BMPR1A: variants seen among roughly 807,000 people sequenced by gnomAD.
BMPR1A encodes the protein bone morphogenetic protein receptor type 1A, also known as bone morphogenetic protein receptor type-1A.
In BMPR1A, 7 loss-of-function variants were observed where a neutral mutation model predicts 66.0. That is an observed-to-expected ratio of 0.11 (90% CI 0.06 to 0.20). The LOEUF (loss-of-function observed/expected upper bound fraction) is 0.20, where lower values mean the gene tolerates loss of function less well. BMPR1A is among the 10% of genes least tolerant of loss of function. The pLI, the probability that BMPR1A is intolerant of heterozygous loss-of-function variation, is 1.00. For missense variants in BMPR1A, 408 were observed against 669.1 expected, an observed-to-expected ratio of 0.61 and a Z score of 4.31; for synonymous variants, 200 against 229.7, an observed-to-expected ratio of 0.87 and a Z score of 1.17.
chr10:86,852,717 A>C (rs1842587752), intron 2 of BMPR1A, among the ~76,000 whole-genome samples: 1 of 152,190 alleles, frequency 6.6e-6, no homozygotes, highest in Non-Finnish European at 1.5e-5. Context: ...AAAATAGAGA[A>C]TACAGATAAA....
In BMPR1A at chr10:86,892,182, T is replaced by G. The variant is rs1554888320; in HGVS notation, c.286T>G (p.Leu96Val). ...IEEDDQGETTLASGCMKYEGS... is the reference protein window; with the variant it reads ...IEEDDQGETTVASGCMKYEGS... ...AGAAGATGACCAGGGAGAAACCACA[T>G]TAGCTTCAGGGTGTATGAAATATGA... Residue 96 changes from leucine (L) to valine (V), a missense_variant, in exon 5 of 13, where the codon TTA becomes GTA. By Grantham distance (32) the Leu-to-Val change is conservative (BLOSUM62 1). This residue lies in a region of BMPR1A where 13 missense variants were observed against 46.5 expected (regional missense o/e 0.28). Coordinates refer to ENST00000372037, the MANE Select transcript of BMPR1A (RefSeq NM_004329.3). 6.2e-7 allele frequency: 1 copy of G among 1,614,070 alleles called. No homozygotes were observed. Among genetic ancestry groups the G allele is most frequent in the Non-Finnish European group, 8.5e-7 (1 of 1,179,916 alleles).
chr10:86,908,892 C>T (rs982632076), intron 7 of BMPR1A, among the ~76,000 whole-genome samples: 4 of 152,172 alleles, frequency 2.6e-5, no homozygotes, highest in Non-Finnish European at 5.9e-5. Flanking sequence ...ATCTTCTCCT[C>T]TTCCTCAGCA....
chr10:86,807,048 G>A (rs1183874328), intron 1 of BMPR1A, among the ~76,000 whole-genome samples: 9 of 152,014 alleles, frequency 5.9e-5, no homozygotes, highest in Admixed American at 5.9e-4. Flanking sequence ...AATCAGTCAT[G>A]TCTCTAAGGA....
At chr10:86,820,439 C>A (rs1842106402) in intron 1 of BMPR1A, among the ~76,000 whole-genome samples, 1 of 151,440 alleles carries the variant, frequency 6.6e-6, no homozygotes. Context: ...TTTTCTGTCT[C>A]CACCTCAAAG....
At chr10:86,885,812 C>T (rs1346890836) in intron 3 of BMPR1A, among the ~76,000 whole-genome samples, 2 of 152,052 alleles carry the variant, frequency 1.3e-5, no homozygotes, top group African/African-American at 2.4e-5. Context: ...CTTAAGGTTG[C>T]GGCAGAGGGC....
chr10:86,905,721 C>G (rs1352965842), intron 7 of BMPR1A, among the ~76,000 whole-genome samples: 2 of 151,118 alleles, frequency 1.3e-5, no homozygotes, highest in Non-Finnish European at 2.9e-5. Flanking sequence ...ATAATGGACC[C>G]TTTATCCTCA....
intron 2 of BMPR1A, among the ~76,000 whole-genome samples, chr10:86,866,399 C>CTTT (rs1048293127): frequency 5.8e-4 from 40 of 69,456 alleles, no homozygotes; most frequent in Non-Finnish European, 8.4e-4. Context: ...AAGTTTCTTT[C>CTTT]TTTTTTTTTT....
intron 3 of BMPR1A, 63 bp from the exon 4 acceptor site, chr10:86,889,999 A>AT (rs1411520469): frequency 2.0e-5 from 31 of 1,576,322 alleles, no homozygotes; most frequent in Non-Finnish European, 2.6e-5. Context: ...CTCATTGAAA[A>AT]TTGTCACGAA....
chr10:86,862,311 G>A (rs895144844), intron 2 of BMPR1A, among the ~76,000 whole-genome samples: 3 of 152,150 alleles, frequency 2.0e-5, no homozygotes, highest in Non-Finnish European at 2.9e-5. Flanking sequence ...GCAGTCCCGG[G>A]GAAGACCATT....
rs2133658238 is a variant in BMPR1A, at chr10:86,927,415, GGTGTTAA to G, written c.*3697_*3703del. 1 of 197,022 alleles carries G rather than the reference GGTGTTAA, an allele frequency of 5.1e-6. No individual in the cohort carries two copies. The highest frequency in any genetic ancestry group is 1.9e-4 in the South Asian group (1 of 5,216). 12.2% of individuals were successfully genotyped at this position (197,022 alleles called of 1,614,324 possible). Reference sequence around the variant, plus strand: ...CATATTTATTACTGACTTTGAGTCAGGTGTTAAAATAGCAGTGCCACAGCTCGTCTCT... The same window carrying G: ...CATATTTATTACTGACTTTGAGTCAGAATAGCAGTGCCACAGCTCGTCTCT... On this transcript the variant is annotated 3_prime_UTR_variant, in exon 13 of 13. Coordinates refer to ENST00000372037, the MANE Select transcript of BMPR1A (RefSeq NM_004329.3).
chr10:86,904,031 G>A (rs1026204561), intron 7 of BMPR1A, among the ~76,000 whole-genome samples: 4 of 152,154 alleles, frequency 2.6e-5, no homozygotes, highest in Non-Finnish European at 4.4e-5. Flanking sequence ...AGCTTCCCAA[G>A]TAGCTGGGAT....
intron 9 of BMPR1A, among the ~76,000 whole-genome samples, chr10:86,917,746 A>G (rs1843597477): frequency 1.3e-5 from 2 of 152,144 alleles, no homozygotes. Context: ...ACAATAGCAA[A>G]GTAATTTAGG....
At chr10:86,782,510 G>GT (rs1387848612) in intron 1 of BMPR1A, among the ~76,000 whole-genome samples, 16 of 151,450 alleles carry the variant, frequency 1.1e-4, no homozygotes, top group East Asian at 5.8e-4. Flanking sequence ...CTGTTTTTTT[G>GT]TTTTTTGTTT....
intron 7 of BMPR1A, among the ~76,000 whole-genome samples, chr10:86,909,552 C>CTCTA (rs1289495042): frequency 1.3e-5 from 2 of 150,246 alleles, no homozygotes; most frequent in East Asian, 3.9e-4. Flanking sequence ...CACCACTGTA[C>CTCTA]TCTAGCCTGG....
At chr10:86,858,679 C>T (rs1286348690) in intron 2 of BMPR1A, among the ~76,000 whole-genome samples, 1 of 152,014 alleles carries the variant, frequency 6.6e-6, no homozygotes, top group East Asian at 1.9e-4. Flanking sequence ...GAGAGTAATC[C>T]ATTTACAAAA....
intron 1 of BMPR1A, among the ~76,000 whole-genome samples, chr10:86,779,865 G>A (rs185430346): frequency 5.3e-4 from 80 of 152,242 alleles, no homozygotes; most frequent in African/African-American, 1.7e-3. Flanking sequence ...GCCTCCCAAA[G>A]TGCTGGGACT....
At chr10:86,758,698 T>A (rs7072166) in intron 1 of BMPR1A, among the ~76,000 whole-genome samples, 1 of 152,170 alleles carries the variant, frequency 6.6e-6, no homozygotes, top group Non-Finnish European at 1.5e-5. Context: ...TCTCTAGAGA[T>A]TGCCAAGTGT....
rs144520893 is a variant in BMPR1A at position 86,823,040 on chromosome 10, G to A, written c.-267-15825G>A. On this transcript the variant is annotated intron_variant, in intron 1 of 12. Transcript: ENST00000372037. ...ATGTATAGAATTTAGCACAGTAACC[G>A]GCACATAGTAAATGTTTGATAAATG... 2.3e-3 allele frequency among the ~76,000 whole-genome samples: 356 copies of A among 152,212 alleles called. 4 individuals are homozygous for A. The highest frequency in any genetic ancestry group is 8.2e-3 in the African/African-American group (341 of 41,518).
intron 3 of BMPR1A, 25 bp from the exon 4 acceptor site, chr10:86,890,037 T>C: frequency 6.2e-7 from 1 of 1,611,582 alleles, no homozygotes; most frequent in South Asian, 1.1e-5. Context: ...AATGATTTAC[T>C]TACAAATTCC....
Sources: allele counts gnomAD v4.1 joint callset (sites outside exome capture counted in the v4.1 genomes callset), GRCh38; gene constraint gnomAD v4.1.1; regional missense constraint gnomAD v4.1.1; transcripts MANE v1.5; gene names NCBI Gene and HGNC (gene_info 2026-07-23, HGNC 2026-07-21).